GFRA2: variants seen among roughly 807,000 people sequenced by gnomAD.
The protein encoded by GFRA2 is GDNF family receptor alpha 2, also known as GDNF family receptor alpha-2.
Under a neutral mutation model 48.3 loss-of-function variants are expected in GFRA2, and 17 were observed. The observed-to-expected ratio is 0.35, with a 90% CI of 0.24 to 0.53. The LOEUF is 0.53. Among genes scored for constraint, GFRA2 ranks in the 20% least tolerant of loss-of-function variants. The probability of loss-of-function intolerance (pLI) is 0.93; values close to 1 mark genes in which losing one functional copy is unlikely to be tolerated. For synonymous variants in GFRA2, 305 were observed against 257.2 expected, an observed-to-expected ratio of 1.19 and a Z score of -1.78; for missense variants, 660 against 637.3, an observed-to-expected ratio of 1.04 and a Z score of -0.38.
chr8:21,802,641 C>T (rs1365328404), intron 2 of GFRA2, among the ~76,000 whole-genome samples: 1 of 152,108 alleles, frequency 6.6e-6, no homozygotes, highest in Non-Finnish European at 1.5e-5. Context: ...AGGTGTGAGC[C>T]CCCACGCCTG....
intron 3 of GFRA2, chr8:21,769,255 C>CCCAGCA: frequency 1.5e-6 from 1 of 653,508 alleles, no homozygotes; most frequent in Non-Finnish European, 1.9e-6. Flanking sequence ...CCGCCCCAGC[C>CCCAGCA]CCGCCCCTGC....
chr8:21,707,284 G>A (rs1407011155), intron 4 of GFRA2, among the ~76,000 whole-genome samples: 1 of 152,176 alleles, frequency 6.6e-6, no homozygotes, highest in Non-Finnish European at 1.5e-5. Flanking sequence ...CCATCTCCGA[G>A]TTCACCACAG....
intron 3 of GFRA2, among the ~76,000 whole-genome samples, chr8:21,763,765 G>A (rs1016257177): frequency 1.2e-4 from 18 of 150,928 alleles, no homozygotes; most frequent in Admixed American, 5.9e-4. Flanking sequence ...TCCCTCATCC[G>A]TCCCCCTACC....
intron 2 of GFRA2, among the ~76,000 whole-genome samples, chr8:21,775,872 A>G (rs1225972372): frequency 2.0e-5 from 3 of 152,144 alleles, no homozygotes; most frequent in African/African-American, 7.2e-5. Context: ...GGCTCCCCCA[A>G]AGACCCCACC....
intron 4 of GFRA2, among the ~76,000 whole-genome samples, chr8:21,710,362 A>G (rs1307759097): frequency 3.3e-5 from 5 of 152,230 alleles, no homozygotes; most frequent in Non-Finnish European, 7.3e-5. Context: ...TGAAGTGCAC[A>G]GCAGGAACAG....
At position 21,782,821 on chromosome 8, in the gene GFRA2, C is replaced by G; in HGVS notation, c.119G>C (p.Cys40Ser). The change falls in exon 2 of 9, where the codon TGT (cysteine) becomes TCT (serine). Residue 40 changes from cysteine (C) to serine (S), a missense_variant. Cys to Ser is a moderately radical substitution (Grantham distance 112). Coordinates refer to ENST00000524240, the MANE Select transcript of GFRA2 (RefSeq NM_001495.5). ...GGCACACAGCTCATTGGCCCGGACACAGTCCACTGGGGGGCGCCAGCCGTG... is the reference window on the plus strand; with the variant it reads ...GGCACACAGCTCATTGGCCCGGACAGAGTCCACTGGGGGGCGCCAGCCGTG... ...ELHGWRPPVDCVRANELCAAE... is the reference protein window; with the variant it reads ...ELHGWRPPVDSVRANELCAAE... The G allele has an allele frequency of 6.4e-7, 1 of 1,574,706 alleles. No individual in the cohort carries two copies. Among genetic ancestry groups the G allele is most frequent in the Non-Finnish European group, 8.6e-7 (1 of 1,166,326 alleles).
intron 4 of GFRA2, among the ~76,000 whole-genome samples, chr8:21,725,946 G>T (rs1162549179): frequency 6.6e-6 from 1 of 152,242 alleles, no homozygotes; most frequent in Non-Finnish European, 1.5e-5. Context: ...AGCCAGAGCT[G>T]CCTGATCTTG....
At chr8:21,772,779 C>T (rs1806500769) in intron 3 of GFRA2, among the ~76,000 whole-genome samples, 1 of 152,180 alleles carries the variant, frequency 6.6e-6, no homozygotes, top group African/African-American at 2.4e-5. Context: ...AACATCCTGT[C>T]CCACAGAGTG....
Position 21,811,307 on chromosome 8 carries a change from G to T in GFRA2, c.-148+924C>A, listed in dbSNP as rs73671778. ...CATCGGCCAGAGCTGGACTGAGATTGAGAGGCAGTGTCTCCCCTGGGACTC... is the reference window on the plus strand; with the variant it reads ...CATCGGCCAGAGCTGGACTGAGATTTAGAGGCAGTGTCTCCCCTGGGACTC... On this transcript the variant is annotated intron_variant, in intron 1 of 10. Transcript: ENST00000517328. Among the ~76,000 whole-genome samples, 119 of 152,282 alleles carry T rather than the reference G, an allele frequency of 7.8e-4. 2 individuals are homozygous for T. Among genetic ancestry groups the T allele is most frequent in the African/African-American group, 2.8e-3 (115 of 41,566 alleles).
intron 2 of GFRA2, among the ~76,000 whole-genome samples, chr8:21,795,054 C>G (rs1807643669): frequency 6.6e-6 from 1 of 152,230 alleles, no homozygotes; most frequent in Non-Finnish European, 1.5e-5. Context: ...CCTCGCAGAC[C>G]TCTCTGCAGC....
In GFRA2 at chr8:21,702,775, T is replaced by TC. The variant is rs772553275; in HGVS notation, c.1218+29dup. 9 of 1,545,722 alleles carry TC rather than the reference T, an allele frequency of 5.8e-6. No homozygotes were observed. The African/African-American group carries it at 1.0e-4, about 17-fold the overall frequency. On this transcript the variant is annotated intron_variant, in intron 7 of 8. Transcript: ENST00000524240. ...CATGCCACTTCCGGTGCCATGGTGCTCCCCCCACGCCTCAGCCACACACCC... is the reference window on the plus strand; with the variant it reads ...CATGCCACTTCCGGTGCCATGGTGCTCCCCCCCACGCCTCAGCCACACACCC...
At chr8:21,757,524 T>C (rs1405686239) in intron 3 of GFRA2, among the ~76,000 whole-genome samples, 1 of 152,110 alleles carries the variant, frequency 6.6e-6, no homozygotes, top group Non-Finnish European at 1.5e-5. Context: ...TGAATGGAGT[T>C]TCACTCTGTC....
intron 3 of GFRA2, among the ~76,000 whole-genome samples, chr8:21,756,115 T>A (rs1032682312): frequency 8.5e-5 from 13 of 152,238 alleles, no homozygotes; most frequent in African/African-American, 2.6e-4. Context: ...CAGCAGCTAA[T>A]TTAGGGCTGC....
intron 4 of GFRA2, among the ~76,000 whole-genome samples, chr8:21,737,541 T>A (rs575194794): frequency 6.6e-6 from 1 of 151,972 alleles, no homozygotes; most frequent in Admixed American, 6.5e-5. Context: ...CCCTGCCTGT[T>A]CAGTGTCTTC....
Position 21,705,955 on chromosome 8 carries a change from A to C in GFRA2, c.881T>G (p.Leu294Arg). 6.4e-7 allele frequency: 1 copy of C among 1,569,728 alleles called. No individual in the cohort carries two copies. The highest frequency in any genetic ancestry group is 8.6e-7 in the Non-Finnish European group (1 of 1,156,444). Residue 294 changes from leucine to arginine, a missense_variant, in exon 5 of 9, where the codon CTG becomes CGG. By Grantham distance (102) the Leu-to-Arg change is moderately radical (BLOSUM62 -2). Coordinates refer to ENST00000524240, the MANE Select transcript of GFRA2 (RefSeq NM_001495.5). ...SCPADNYQAC[L>R]GSYAGMIGFD... ...ACCAATCATGCCAGCATAAGAGCCC[A>C]GACACGCCTGGTAATTGTCCGCAGG...
At chr8:21,708,954 G>T (rs1802883238) in intron 4 of GFRA2, among the ~76,000 whole-genome samples, 1 of 152,200 alleles carries the variant, frequency 6.6e-6, no homozygotes, top group South Asian at 2.1e-4. Context: ...CCCTTTCAAA[G>T]ACTTCACTGT....
chr8:21,797,844 T>C (rs1482164017), intron 2 of GFRA2: 4 of 152,182 alleles, frequency 2.6e-5, no homozygotes, highest in African/African-American at 9.6e-5. Context: ...GGGAGGATCC[T>C]GGAAGTCCCT....
chr8:21,786,713 CG>C (rs1807288707), intron 1 of GFRA2, among the ~76,000 whole-genome samples: 1 of 152,154 alleles, frequency 6.6e-6, no homozygotes, highest in South Asian at 2.1e-4. Context: ...TCGCACCTGG[CG>C]GGAAGCAGAG....
chr8:21,755,960 G>C (rs28498178), intron 3 of GFRA2, among the ~76,000 whole-genome samples: 12 of 152,130 alleles, frequency 7.9e-5, no homozygotes, highest in African/African-American at 2.7e-4. Context: ...GCCTCTAAGG[G>C]ACAGGTTCTC....
Sources: allele counts gnomAD v4.1 joint callset (sites outside exome capture counted in the v4.1 genomes callset), GRCh38; gene constraint gnomAD v4.1.1; transcripts MANE v1.5; gene names NCBI Gene and HGNC (gene_info 2026-07-23, HGNC 2026-07-21).